TEX36: variants seen among roughly 807,000 people sequenced by gnomAD.
The protein encoded by TEX36 is testis expressed 36.
Under a neutral mutation model 13.6 loss-of-function variants are expected in TEX36, and 12 were observed. The ratio of observed to expected loss-of-function variants is 0.88; its 90% CI spans 0.56 to 1.43. TEX36 has a LOEUF of 1.43. Among genes scored for constraint, TEX36 ranks in the 40% most tolerant of loss-of-function variants. TEX36 has a pLI of 0.00. For synonymous variants in TEX36, 93 were observed against 83.0 expected, an observed-to-expected ratio of 1.12 and a Z score of -0.65; for missense variants, 224 against 228.3, an observed-to-expected ratio of 0.98 and a Z score of 0.12.
chr10:125,671,942 T>G (rs1847238102), intron 1 of TEX36, among the ~76,000 whole-genome samples: 1 of 152,232 alleles, frequency 6.6e-6, no homozygotes, highest in South Asian at 2.1e-4. Flanking sequence ...TATTCTCTGA[T>G]GTTTGGTTAT....
chr10:125,669,145 G>T (rs1293145603), intron 1 of TEX36, among the ~76,000 whole-genome samples: 2 of 152,158 alleles, frequency 1.3e-5, no homozygotes, highest in Admixed American at 1.3e-4. Flanking sequence ...ACAAAAATTA[G>T]CTGGGTGTGA....
intron 3 of TEX36, among the ~76,000 whole-genome samples, chr10:125,598,345 G>C (rs1167617352): frequency 6.6e-6 from 1 of 152,222 alleles, no homozygotes; most frequent in Non-Finnish European, 1.5e-5. Context: ...CAAAAACTGG[G>C]TTAGTTTTTT....
At chr10:125,590,939 T>C (rs1029570969) in intron 3 of TEX36, among the ~76,000 whole-genome samples, 2 of 152,196 alleles carry the variant, frequency 1.3e-5, no homozygotes, top group Non-Finnish European at 2.9e-5. Context: ...TCTTCGGTTA[T>C]GTTCACATGA....
chr10:125,599,809 T>C (rs796672989), intron 3 of TEX36, among the ~76,000 whole-genome samples: 16 of 152,344 alleles, frequency 1.1e-4, no homozygotes, highest in African/African-American at 3.6e-4. Flanking sequence ...TGTAAATCCC[T>C]TTCTGAGTCT....
At chr10:125,674,978 C>T (rs1847289899) in intron 1 of TEX36, among the ~76,000 whole-genome samples, 1 of 152,256 alleles carries the variant, frequency 6.6e-6, no homozygotes, top group Non-Finnish European at 1.5e-5. Flanking sequence ...AATCTCCGCT[C>T]ATCCAGATTG....
intron 3 of TEX36, among the ~76,000 whole-genome samples, chr10:125,579,395 A>G (rs1028171776): frequency 1.3e-5 from 2 of 152,136 alleles, no homozygotes; most frequent in African/African-American, 4.8e-5. Context: ...ACTCACTATC[A>G]TGAGAACAGC....
At chr10:125,662,417 C>G (rs1847059758) in intron 1 of TEX36, among the ~76,000 whole-genome samples, 2 of 151,846 alleles carry the variant, frequency 1.3e-5, no homozygotes, top group African/African-American at 4.8e-5. Context: ...CCTAAGACCA[C>G]GGGAAGGGGA....
At chr10:125,664,027 T>A (rs75884927) in intron 1 of TEX36, among the ~76,000 whole-genome samples, 7,500 of 152,254 alleles carry the variant, frequency 0.049, 271 homozygotes, top group South Asian at 0.18. Flanking sequence ...ATAACCATCA[T>A]TCTACTCTCT....
chr10:125,600,070 C>T (rs1409518237), intron 3 of TEX36, among the ~76,000 whole-genome samples: 3 of 152,184 alleles, frequency 2.0e-5, no homozygotes, highest in African/African-American at 4.8e-5. Flanking sequence ...GGCCTGGATC[C>T]AATTTATTTA....
At chr10:125,642,452 G>C in intron 3 of TEX36, among the ~76,000 whole-genome samples, 1 of 152,122 alleles carries the variant, frequency 6.6e-6, no homozygotes, top group Non-Finnish European at 1.5e-5. Context: ...TCAGAAAAAG[G>C]AATGAAAAAT....
At chr10:125,591,550 T>C (rs563088379) in intron 3 of TEX36, among the ~76,000 whole-genome samples, 1 of 152,326 alleles carries the variant, frequency 6.6e-6, no homozygotes, top group Admixed American at 6.5e-5. Context: ...CCAGCTTCAC[T>C]ATGTGTGTGT....
At chr10:125,612,198 C>T (rs1468091266) in intron 3 of TEX36, among the ~76,000 whole-genome samples, 1 of 151,776 alleles carries the variant, frequency 6.6e-6, no homozygotes, top group East Asian at 1.9e-4. Flanking sequence ...ATCCCACTGC[C>T]TCAGCCTCCG....
intron 3 of TEX36, among the ~76,000 whole-genome samples, chr10:125,649,708 G>T (rs533214142): frequency 6.6e-6 from 1 of 152,188 alleles, no homozygotes; most frequent in African/African-American, 2.4e-5. Context: ...TGGCAAATTG[G>T]ATAAAGAGTC....
intron 1 of TEX36, among the ~76,000 whole-genome samples, chr10:125,681,548 C>T (rs139119298): frequency 6.6e-6 from 1 of 152,136 alleles, no homozygotes; most frequent in East Asian, 1.9e-4. Flanking sequence ...CCATATAATC[C>T]TGGAAATATA....
In TEX36 at chr10:125,669,996, T is replaced by C. The variant is rs139523883; in HGVS notation, c.52-8019A>G. Among the ~76,000 whole-genome samples, 38 of 152,370 alleles carry C rather than the reference T, an allele frequency of 2.5e-4. No individual in the cohort carries two copies. In the East Asian group the frequency reaches 6.9e-3, roughly 28 times the overall value. On this transcript the variant is annotated intron_variant, in intron 1 of 3. Coordinates refer to ENST00000368821, the MANE Select transcript of TEX36 (RefSeq NM_001128202.3). The stretch of plus-strand genomic sequence containing the variant: ...TACATTTTCTTTATCCAGTCTATCA[T>C]TGATGGATGTTTGGGTTGACTCCAT...
At chr10:125,662,979 A>C (rs770241217) in intron 1 of TEX36, among the ~76,000 whole-genome samples, 7 of 152,204 alleles carry the variant, frequency 4.6e-5, no homozygotes, top group African/African-American at 7.2e-5. Flanking sequence ...CTAGGAGGAA[A>C]TGAATGGAAA....
At chr10:125,661,257 G>T (rs1237637734) in intron 2 of TEX36, among the ~76,000 whole-genome samples, 156 bp from the exon 3 acceptor site, 2 of 152,188 alleles carry the variant, frequency 1.3e-5, no homozygotes, top group Admixed American at 6.5e-5. Context: ...ACACAGGAGG[G>T]GGAGGATATC....
At chr10:125,590,408 G>C (rs781172345) in intron 3 of TEX36, among the ~76,000 whole-genome samples, 3 of 152,002 alleles carry the variant, frequency 2.0e-5, no homozygotes, top group Non-Finnish European at 4.4e-5. Context: ...GAACCACCAC[G>C]CCTGGCCCTC....
chr10:125,681,898 A>C (rs1847400621), intron 1 of TEX36, among the ~76,000 whole-genome samples: 2 of 152,224 alleles, frequency 1.3e-5, no homozygotes, highest in South Asian at 4.1e-4. Flanking sequence ...GAGACTTAGA[A>C]AGACTAAGCT....
Sources: gnomAD v4.1 joint callset for allele counts (sites outside exome capture counted in the v4.1 genomes callset) on GRCh38, gnomAD v4.1.1 for gene constraint, MANE v1.5 for transcripts, NCBI Gene and HGNC (gene_info 2026-07-23, HGNC 2026-07-21) for gene names.